Variants in PTPRD observed in about 807,000 individuals in gnomAD.
PTPRD encodes the protein receptor-type tyrosine-protein phosphatase delta.
Under a neutral mutation model 214.5 loss-of-function variants are expected in PTPRD, and 34 were observed. That is an observed-to-expected ratio of 0.16 (90% CI 0.12 to 0.21). The LOEUF (loss-of-function observed/expected upper bound fraction) is 0.21. PTPRD is among the 10% of genes least tolerant of loss of function. PTPRD has a pLI of 1.00. For synonymous variants in PTPRD, 1,128 were observed against 845.7 expected (o/e 1.33, Z -5.79); for missense variants, 2,545 against 2,398.7 (o/e 1.06, Z -1.27).
chr9:9,273,895 T>C (rs1943941319), intron 9 of PTPRD, among the ~76,000 whole-genome samples: 2 of 151,282 alleles, frequency 1.3e-5, no homozygotes, highest in Non-Finnish European at 3.0e-5. Context: ...CTTCCAGAGG[T>C]TTGTCAATAT....
At chr9:8,572,844 T>G (rs1168376377) in intron 14 of PTPRD, among the ~76,000 whole-genome samples, 1 of 152,078 alleles carries the variant, frequency 6.6e-6, no homozygotes, top group South Asian at 2.1e-4. Context: ...CTGATTATAT[T>G]GGTTTGCATG....
intron 14 of PTPRD, among the ~76,000 whole-genome samples, chr9:8,588,750 A>G (rs931622958): frequency 1.3e-5 from 2 of 152,200 alleles, no homozygotes; most frequent in Admixed American, 6.5e-5. Context: ...TTGACCTGCA[A>G]TCTTAGGAAG....
chr9:10,069,569 T>A (rs912054813), intron 3 of PTPRD, among the ~76,000 whole-genome samples: 18 of 152,048 alleles, frequency 1.2e-4, no homozygotes, highest in Admixed American at 1.1e-3. Context: ...GATACAGTTA[T>A]TCAGAATTAT....
At chr9:10,363,384 G>C (rs537846309) in intron 2 of PTPRD, among the ~76,000 whole-genome samples, 1 of 152,126 alleles carries the variant, frequency 6.6e-6, no homozygotes, top group Non-Finnish European at 1.5e-5. Context: ...TAAGCCCTCT[G>C]TGCATCAAGA....
intron 9 of PTPRD, among the ~76,000 whole-genome samples, chr9:9,383,041 A>T (rs2062802232): frequency 7.2e-6 from 1 of 139,058 alleles, no homozygotes; most frequent in Admixed American, 7.2e-5. Context: ...ATCTTAGGTA[A>T]AATTCCCTGC....
At chr9:10,086,463 G>C (rs1386366511) in intron 3 of PTPRD, among the ~76,000 whole-genome samples, 3 of 151,622 alleles carry the variant, frequency 2.0e-5, no homozygotes, top group Non-Finnish European at 4.4e-5. Flanking sequence ...CTGTCTCAGT[G>C]GTATGAAGTG....
intron 7 of PTPRD, among the ~76,000 whole-genome samples, chr9:9,687,409 G>A (rs1168556066): frequency 1.3e-5 from 2 of 151,696 alleles, no homozygotes; most frequent in Non-Finnish European, 2.9e-5. Flanking sequence ...TGTTTCTCAG[G>A]GTTTCCTGAT....
At chr9:8,863,512 C>T (rs1447752689) in intron 11 of PTPRD, among the ~76,000 whole-genome samples, 2 of 152,142 alleles carry the variant, frequency 1.3e-5, no homozygotes, top group African/African-American at 4.8e-5. Flanking sequence ...ATATGACAAG[C>T]TGTCAGCTAA....
chr9:8,906,203 C>T (rs527259796), intron 11 of PTPRD, among the ~76,000 whole-genome samples: 1 of 152,288 alleles, frequency 6.6e-6, no homozygotes, highest in African/African-American at 2.4e-5. Context: ...TTAAAACAAA[C>T]ATCTTTTTTT....
intron 3 of PTPRD, among the ~76,000 whole-genome samples, chr9:10,087,463 C>G (rs1284326879): frequency 6.6e-6 from 1 of 151,614 alleles, no homozygotes; most frequent in Non-Finnish European, 1.5e-5. Context: ...CAATATTGAT[C>G]CTTCAGAGTG....
chr9:8,890,601 A>G (rs2098530781), intron 11 of PTPRD, among the ~76,000 whole-genome samples: 1 of 152,214 alleles, frequency 6.6e-6, no homozygotes, highest in Admixed American at 6.5e-5. Flanking sequence ...ATTTTAATGT[A>G]CTTATTAGAC....
At chr9:9,264,321 A>C (rs1033163782) in intron 9 of PTPRD, among the ~76,000 whole-genome samples, 2 of 151,670 alleles carry the variant, frequency 1.3e-5, no homozygotes, top group African/African-American at 2.4e-5. Flanking sequence ...AGTTTAATAA[A>C]GAAAGAGATA....
intron 14 of PTPRD, among the ~76,000 whole-genome samples, chr9:8,629,286 A>G (rs983694613): frequency 6.6e-6 from 1 of 151,804 alleles, no homozygotes; most frequent in Non-Finnish European, 1.5e-5. Flanking sequence ...TTGGACTCTT[A>G]CTAGAAAGAA....
chr9:8,732,830 T>C (rs899860535), intron 12 of PTPRD, among the ~76,000 whole-genome samples: 1 of 152,174 alleles, frequency 6.6e-6, no homozygotes, highest in African/African-American at 2.4e-5. Context: ...AGGATACTTG[T>C]CTTGGAAACA....
At chr9:9,653,113 CG>C (rs1195936471) in intron 7 of PTPRD, among the ~76,000 whole-genome samples, 2 of 148,960 alleles carry the variant, frequency 1.3e-5, no homozygotes. Context: ...GAGGCCGAGG[CG>C]GGTGGATCAT....
At chr9:9,470,147 GTGT>G (rs1377049976) in intron 8 of PTPRD, among the ~76,000 whole-genome samples, 2 of 152,142 alleles carry the variant, frequency 1.3e-5, no homozygotes, top group African/African-American at 4.8e-5. Context: ...TGAACTAGTG[GTGT>G]TAATAGTGGA....
chr9:9,862,404 C>A (rs888879114), intron 5 of PTPRD, among the ~76,000 whole-genome samples: 1 of 152,190 alleles, frequency 6.6e-6, no homozygotes, highest in African/African-American at 2.4e-5. Context: ...TATATCCAAA[C>A]CTGCCTGGTA....
chr9:8,686,181 T>C (rs183100314), intron 12 of PTPRD, among the ~76,000 whole-genome samples: 6 of 152,354 alleles, frequency 3.9e-5, no homozygotes, highest in Admixed American at 2.6e-4. Context: ...ATAAAGTTTG[T>C]CTGCTTCACT....
rs59213957 is a variant in PTPRD, at chr9:10,248,527, T to C, written c.-545+92436A>G. Among the ~76,000 whole-genome samples, 44 of 61,932 alleles carry C rather than the reference T, an allele frequency of 7.1e-4. 1 individual carries two copies. Among genetic ancestry groups the C allele is most frequent in the African/African-American group, 1.2e-3 (31 of 25,952 alleles). 40.6% of individuals were successfully genotyped at this position (61,932 alleles called of 152,430 possible). A position where few individuals can be genotyped will look rare whatever the true frequency, so the allele number is the denominator to read the frequency against. Reference sequence around the variant, plus strand: ...TACATATAGCAAAAAAAAAAAAAAATAAAAAAAATAAAGCGAGAAACCAAA... The same window carrying C: ...TACATATAGCAAAAAAAAAAAAAAACAAAAAAAATAAAGCGAGAAACCAAA... On this transcript the variant is annotated intron_variant, in intron 3 of 45. Transcript: ENST00000381196.
Sources: allele counts gnomAD v4.1 joint callset (sites outside exome capture counted in the v4.1 genomes callset), GRCh38; gene constraint gnomAD v4.1.1; transcripts MANE v1.5; gene names NCBI Gene and HGNC (gene_info 2026-07-23, HGNC 2026-07-21).